Variants in KHDRBS2 observed in about 807,000 individuals in gnomAD.
KHDRBS2 encodes KH domain-containing, RNA-binding, signal transduction-associated protein 2.
Under a neutral mutation model 44.3 loss-of-function variants are expected in KHDRBS2, and 26 were observed. The ratio of observed to expected loss-of-function variants is 0.59; its 90% confidence interval spans 0.43 to 0.81. KHDRBS2 has a LOEUF of 0.81. Ranked by LOEUF, KHDRBS2 falls within the 40% of genes least tolerant of loss-of-function variation. KHDRBS2 has a pLI of 0.00. For synonymous variants in KHDRBS2, 194 were observed against 151.1 expected (o/e 1.28, Z -2.08); for missense variants, 476 against 433.1 (o/e 1.10, Z -0.88).
chr6:61,955,963 A>C (rs1767150255), intron 4 of KHDRBS2, among the ~76,000 whole-genome samples: 1 of 152,084 alleles, frequency 6.6e-6, no homozygotes, highest in Admixed American at 6.6e-5. Flanking sequence ...TGAATGCAAG[A>C]AGTCTAGCTA....
chr6:61,692,448 T>G (rs1435982226), intron 8 of KHDRBS2, among the ~76,000 whole-genome samples: 1 of 151,932 alleles, frequency 6.6e-6, no homozygotes, highest in Non-Finnish European at 1.5e-5. Flanking sequence ...AGATGTTATT[T>G]ACATTATAAT....
At chr6:61,776,988 G>A (rs1782146636) in intron 6 of KHDRBS2, among the ~76,000 whole-genome samples, 1 of 152,102 alleles carries the variant, frequency 6.6e-6, no homozygotes, top group South Asian at 2.1e-4. Flanking sequence ...GTCCTTTGTA[G>A]GGACATGGAC....
At chr6:61,864,783 C>A (rs1172699526) in intron 6 of KHDRBS2, among the ~76,000 whole-genome samples, 1 of 152,094 alleles carries the variant, frequency 6.6e-6, no homozygotes, top group Non-Finnish European at 1.5e-5. Context: ...GGGTTCTCTG[C>A]ATTTCCTGAA....
chr6:61,953,332 C>A (rs1175754595), intron 4 of KHDRBS2, among the ~76,000 whole-genome samples: 2 of 151,866 alleles, frequency 1.3e-5, no homozygotes, highest in African/African-American at 4.8e-5. Flanking sequence ...ACTTACAAGA[C>A]TTGTAAAAAT....
At position 62,244,431 on chromosome 6, in the gene KHDRBS2, C is replaced by T. The variant is rs116245046; in HGVS notation, c.91+41427G>A. 2.5e-3 allele frequency among the ~76,000 whole-genome samples: 380 copies of T among 151,964 alleles called. 3 individuals are homozygous for T. The highest frequency in any genetic ancestry group is 8.4e-3 in the African/African-American group (348 of 41,450). ...GTGCTCCTAGTTCTGCTTTAAAAAACAAAGAGAATAGAGAGAAGTGAGAGA... is the reference window on the plus strand; with the variant it reads ...GTGCTCCTAGTTCTGCTTTAAAAAATAAAGAGAATAGAGAGAAGTGAGAGA... On this transcript the variant is annotated intron_variant, in intron 1 of 8. Coordinates refer to ENST00000281156, the MANE Select transcript of KHDRBS2 (RefSeq NM_152688.4).
intron 4 of KHDRBS2, among the ~76,000 whole-genome samples, chr6:61,976,398 C>A (rs373539422): frequency 6.6e-6 from 1 of 151,894 alleles, no homozygotes. Context: ...AGTGAGCAAG[C>A]GAGATGTATT....
intron 4 of KHDRBS2, among the ~76,000 whole-genome samples, chr6:61,911,260 AAGG>A (rs1805999455): frequency 6.6e-6 from 1 of 152,162 alleles, no homozygotes. Flanking sequence ...TAAGTTCCTG[AAGG>A]AGTTTTGCTA....
At chr6:62,068,759 T>C (rs1176636333) in intron 2 of KHDRBS2, among the ~76,000 whole-genome samples, 1 of 151,646 alleles carries the variant, frequency 6.6e-6, no homozygotes, top group Non-Finnish European at 1.5e-5. Context: ...CACTATTCTT[T>C]ACCTATTGAA....
intron 3 of KHDRBS2, among the ~76,000 whole-genome samples, chr6:62,005,256 C>G (rs1234172168): frequency 6.6e-6 from 1 of 151,936 alleles, no homozygotes. Flanking sequence ...AAGGAAAATT[C>G]AGATACATAA....
intron 8 of KHDRBS2, among the ~76,000 whole-genome samples, chr6:61,691,401 A>C (rs544322390): frequency 6.6e-6 from 1 of 152,200 alleles, no homozygotes; most frequent in Non-Finnish European, 1.5e-5. Flanking sequence ...TTTAAAATTA[A>C]TTTCACAAAT....
chr6:61,828,896 C>T (rs1452606182), intron 6 of KHDRBS2, among the ~76,000 whole-genome samples: 1 of 152,194 alleles, frequency 6.6e-6, no homozygotes, highest in African/African-American at 2.4e-5. Flanking sequence ...GTCAAATTAA[C>T]AAATGAACCT....
At chr6:61,833,577 A>G (rs1434090615) in intron 6 of KHDRBS2, among the ~76,000 whole-genome samples, 4 of 152,172 alleles carry the variant, frequency 2.6e-5, no homozygotes, top group African/African-American at 9.6e-5. Flanking sequence ...GAGCTATAAC[A>G]TTCCTTCCAG....
intron 3 of KHDRBS2, among the ~76,000 whole-genome samples, chr6:62,011,948 T>C (rs1448249008): frequency 1.3e-5 from 2 of 152,194 alleles, no homozygotes; most frequent in African/African-American, 4.8e-5. Flanking sequence ...GGAACAGATT[T>C]AGGGGCATAT....
the KHDRBS2 span, among the ~76,000 whole-genome samples, chr6:61,670,373 T>C: frequency 1.1e-4 from 16 of 151,592 alleles, no homozygotes; most frequent in South Asian, 8.3e-4. Context: ...TGAAATGTGA[T>C]ATTACTTATT....
At chr6:61,659,850 G>A in the KHDRBS2 span, among the ~76,000 whole-genome samples, 1 of 151,856 alleles carries the variant, frequency 6.6e-6, no homozygotes, top group African/African-American at 2.4e-5. Context: ...CCCATTATGT[G>A]AGCAGGCCAT....
chr6:62,171,035 T>C (rs1819892677), intron 2 of KHDRBS2, among the ~76,000 whole-genome samples: 1 of 150,710 alleles, frequency 6.6e-6, no homozygotes, highest in African/African-American at 2.4e-5. Context: ...AGAACCAGTG[T>C]AAGAACCCTG....
intron 2 of KHDRBS2, among the ~76,000 whole-genome samples, chr6:62,123,231 TC>T (rs34345386): frequency 0.51 from 77,404 of 152,048 alleles, 20,048 homozygotes; most frequent in Non-Finnish European, 0.55. Flanking sequence ...CATGAACTCA[TC>T]CTTTTTTATG....
the KHDRBS2 span, among the ~76,000 whole-genome samples, chr6:61,586,881 C>A: frequency 1.3e-5 from 2 of 152,170 alleles, no homozygotes; most frequent in Non-Finnish European, 2.9e-5. Context: ...TTGTTACATT[C>A]CCTTTTGAGG....
At chr6:61,572,359 C>G in the KHDRBS2 span, among the ~76,000 whole-genome samples, 4 of 152,070 alleles carry the variant, frequency 2.6e-5, no homozygotes, top group Admixed American at 2.6e-4. Context: ...AGTTCAGGAC[C>G]AGATGGATGC....
Sources: gnomAD v4.1 joint callset for allele counts (sites outside exome capture counted in the v4.1 genomes callset) on GRCh38, gnomAD v4.1.1 for gene constraint, MANE v1.5 for transcripts, NCBI Gene and HGNC (gene_info 2026-07-23, HGNC 2026-07-21) for gene names.